ETV6: variants seen among roughly 807,000 people sequenced by gnomAD.
ETV6 encodes ETS variant transcription factor 6.
ETV6 carries 16 observed loss-of-function variants against 51.1 expected under a neutral mutation model. That is an observed-to-expected ratio of 0.31 (90% CI 0.21 to 0.48). The LOEUF (loss-of-function observed/expected upper bound fraction) is 0.48, where lower values mean the gene tolerates loss of function less well. Among genes scored for constraint, ETV6 ranks in the 20% least tolerant of loss-of-function variants. The probability of loss-of-function intolerance (pLI) is 0.99; values close to 1 mark genes in which losing one functional copy is unlikely to be tolerated. For synonymous variants in ETV6, 240 were observed against 224.1 expected (o/e 1.07, Z -0.64); for missense variants, 458 against 594.8 (o/e 0.77, Z 2.39).
At chr12:11,882,906 G>C (rs960275264) in intron 5 of ETV6, among the ~76,000 whole-genome samples, 2 of 152,208 alleles carry the variant, frequency 1.3e-5, no homozygotes, top group Non-Finnish European at 2.9e-5. Flanking sequence ...AAAAAAGAAA[G>C]AACATTGTAG....
At chr12:11,816,249 G>T (rs766427493) in intron 2 of ETV6, among the ~76,000 whole-genome samples, 5 of 151,562 alleles carry the variant, frequency 3.3e-5, no homozygotes, top group Non-Finnish European at 7.4e-5. Flanking sequence ...TTATGTTTTT[G>T]TTGTTGTTGT....
chr12:11,858,879 C>A (rs908090023), intron 4 of ETV6, among the ~76,000 whole-genome samples: 1 of 152,230 alleles, frequency 6.6e-6, no homozygotes, highest in South Asian at 2.1e-4. Context: ...ATTTTTCTTA[C>A]AACTAGCACA....
chr12:11,752,471 C>A lies in ETV6; in HGVS notation c.55C>A (p.Pro19Thr), dbSNP rs2121067453. 6.2e-7 allele frequency: 1 copy of A among 1,613,780 alleles called. No individual in the cohort carries two copies. The highest frequency in any genetic ancestry group is 8.5e-7 in the Non-Finnish European group (1 of 1,179,798). ...ACAGCAGGAACGAATTTCATATACA[C>A]CTCCAGAGAGCCCAGTGCCGAGTTA... is the stretch of plus-strand genomic sequence containing the variant. Reference protein sequence around the residue: ...SIKQERISYTPPESPVPSYAS... With the variant: ...SIKQERISYTTPESPVPSYAS... Residue 19 changes from proline (P) to threonine (T), a missense_variant, in exon 2 of 8, where the codon CCT (proline) becomes ACT (threonine). This residue lies in a region of ETV6 where 84 missense variants were observed against 75.9 expected (regional missense o/e 1.11). Coordinates refer to ENST00000396373, the MANE Select transcript of ETV6 (RefSeq NM_001987.5).
chr12:11,732,762 C>G (rs904877777), intron 1 of ETV6, among the ~76,000 whole-genome samples: 2 of 152,204 alleles, frequency 1.3e-5, no homozygotes, highest in Non-Finnish European at 2.9e-5. Context: ...AGCCTGAACA[C>G]ATGACCCTGG....
chr12:11,691,046 G>A lies in ETV6; in HGVS notation c.33+40886G>A, dbSNP rs185933000. Among the ~76,000 whole-genome samples, 36 of 152,258 alleles carry A rather than the reference G, an allele frequency of 2.4e-4. 1 individual carries two copies. The highest frequency in any genetic ancestry group is 8.4e-4 in the African/African-American group (35 of 41,554). ...TGGAGGCTGGTAGTCTGAGGTCAGGGTGCCCAAATGGTCAAATTCTGGTAA... is the reference window on the plus strand; with the variant it reads ...TGGAGGCTGGTAGTCTGAGGTCAGGATGCCCAAATGGTCAAATTCTGGTAA... On this transcript the variant is annotated intron_variant, in intron 1 of 7. Transcript: ENST00000396373.
intron 2 of ETV6, among the ~76,000 whole-genome samples, chr12:11,786,336 G>T (rs372626118): frequency 3.3e-5 from 5 of 149,494 alleles, no homozygotes; most frequent in Admixed American, 6.6e-5. Flanking sequence ...AACTTAATTT[G>T]TTTTTTTTTT....
chr12:11,869,521 G>T lies in ETV6; in HGVS notation c.561G>T (p.Thr187=). The change falls in exon 5 of 8, where the codon ACG becomes ACT. Residue 187 remains threonine, a synonymous_variant. Coordinates refer to ENST00000396373, the MANE Select transcript of ETV6 (RefSeq NM_001987.5). The surrounding 1 kb of genome is among the most constrained non-coding windows in gnomAD (Gnocchi z 5.0). The part of the protein sequence containing the change: ...ELLHRSRSPI[T]TNHRPSPDPE... The stretch of plus-strand genomic sequence containing the variant: ...TGCACCGCTCCAGGTCACCTATCAC[G>T]ACAAATCACCGGCCTTCTCCTGACC... 1 of 1,614,040 alleles carries T rather than the reference G, an allele frequency of 6.2e-7. No homozygotes were observed. The highest frequency in any genetic ancestry group is 8.5e-7 in the Non-Finnish European group (1 of 1,179,992).
intron 1 of ETV6, among the ~76,000 whole-genome samples, chr12:11,742,801 CTTTCTTTTTT>C (rs747564785): frequency 4.8e-5 from 3 of 63,046 alleles, no homozygotes; most frequent in Non-Finnish European, 1.3e-4. Flanking sequence ...TCTTTTCTTT[CTTTCTTTTTT>C]TTTTTTTTTT....
intron 1 of ETV6, among the ~76,000 whole-genome samples, chr12:11,658,583 G>A (rs1232399673): frequency 6.6e-6 from 1 of 152,214 alleles, no homozygotes; most frequent in Admixed American, 6.5e-5. Flanking sequence ...TGGCTAGTTG[G>A]TGGTGCCATC....
In ETV6 at chr12:11,869,846, G is replaced by T; in HGVS notation, c.886G>T (p.Gly296Trp). 6.2e-7 allele frequency: 1 copy of T among 1,613,250 alleles called. No individual in the cohort carries two copies. Reference protein sequence around the residue: ...DFKQSRLSEDGLHREGKPINL... With the variant: ...DFKQSRLSEDWLHREGKPINL... Reference sequence around the variant, plus strand: ...CAAACAGTCCAGGCTCTCCGAGGACGGGCTGCATAGGGAAGGGAAGCCCAT... The same window carrying T: ...CAAACAGTCCAGGCTCTCCGAGGACTGGCTGCATAGGGAAGGGAAGCCCAT... The change falls in exon 5 of 8, where the codon GGG becomes TGG. Residue 296 changes from glycine (G) to tryptophan (W), a missense_variant. Transcript: ENST00000396373. This position sits in a 1 kb window ranked among gnomAD's most constrained non-coding sequence, Gnocchi z 5.0.
At chr12:11,676,650 C>A (rs758338247) in intron 1 of ETV6, among the ~76,000 whole-genome samples, 1 of 152,166 alleles carries the variant, frequency 6.6e-6, no homozygotes, top group Non-Finnish European at 1.5e-5. Flanking sequence ...GATGAGATGT[C>A]CCTCATATGT....
intron 1 of ETV6, among the ~76,000 whole-genome samples, chr12:11,664,659 C>G (rs573296218): frequency 6.6e-6 from 1 of 152,140 alleles, no homozygotes; most frequent in East Asian, 1.9e-4. Flanking sequence ...ACAGACTCTT[C>G]CCCTTGTTGC....
chr12:11,744,176 G>A (rs1391078865), intron 1 of ETV6, among the ~76,000 whole-genome samples: 3 of 152,164 alleles, frequency 2.0e-5, no homozygotes, highest in East Asian at 1.9e-4. Context: ...ATTGAGAAGC[G>A]CTGTCTAATG....
intron 2 of ETV6, among the ~76,000 whole-genome samples, chr12:11,816,765 A>G (rs976729245): frequency 1.3e-5 from 2 of 152,202 alleles, no homozygotes; most frequent in African/African-American, 4.8e-5. Context: ...CAGAGAGCTG[A>G]GTTAGAAAGG....
intron 2 of ETV6, among the ~76,000 whole-genome samples, chr12:11,802,763 G>A (rs1458167629): frequency 6.6e-6 from 1 of 152,166 alleles, no homozygotes; most frequent in Non-Finnish European, 1.5e-5. Context: ...CCTAAATCAT[G>A]CCTTGGATTG....
At chr12:11,808,992 T>C (rs1386795369) in intron 2 of ETV6, among the ~76,000 whole-genome samples, 1 of 151,978 alleles carries the variant, frequency 6.6e-6, no homozygotes, top group Non-Finnish European at 1.5e-5. Flanking sequence ...GGCAAAACCC[T>C]ATCTCTACAA....
At chr12:11,681,828 T>G (rs1039833271) in intron 1 of ETV6, among the ~76,000 whole-genome samples, 1 of 152,236 alleles carries the variant, frequency 6.6e-6, no homozygotes, top group Non-Finnish European at 1.5e-5. Context: ...TGTTAGGCTT[T>G]CTGTTCCTGT....
At chr12:11,820,535 C>G (rs1946062129) in intron 2 of ETV6, among the ~76,000 whole-genome samples, 1 of 152,028 alleles carries the variant, frequency 6.6e-6, no homozygotes, top group African/African-American at 2.4e-5. Flanking sequence ...CCAGGGAGGA[C>G]TTGAAGGAAG....
chr12:11,756,722 G>C (rs186026164), intron 2 of ETV6, among the ~76,000 whole-genome samples: 1 of 152,096 alleles, frequency 6.6e-6, no homozygotes, highest in Non-Finnish European at 1.5e-5. Context: ...AACTCATGGG[G>C]GAGTGGCTGC....
Sources: allele counts gnomAD v4.1 joint callset (sites outside exome capture counted in the v4.1 genomes callset), GRCh38; gene constraint gnomAD v4.1.1; regional missense constraint gnomAD v4.1.1; non-coding constraint Gnocchi (gnomAD v3.1); transcripts MANE v1.5; gene names NCBI Gene and HGNC (gene_info 2026-07-23, HGNC 2026-07-21).